The following NT5DC1 variants were observed in gnomAD, a reference collection of about 807,000 sequenced individuals.
The protein encoded by NT5DC1 is 5'-nucleotidase domain-containing protein 1.
A neutral mutation model predicts 59.4 loss-of-function variants in NT5DC1; 42 were observed. The ratio of observed to expected loss-of-function variants is 0.71; its 90% CI spans 0.55 to 0.92. NT5DC1 has a LOEUF of 0.92. Among genes scored for constraint, NT5DC1 ranks in the 40% least tolerant of loss-of-function variants. The probability of loss-of-function intolerance (pLI) is 0.00; values close to 1 mark genes in which losing one functional copy is unlikely to be tolerated. For synonymous variants in NT5DC1, 172 were observed against 188.1 expected (o/e 0.91, Z 0.70); for missense variants, 501 against 537.1 (o/e 0.93, Z 0.66).
Position 116,234,195 on chromosome 6 carries a change from C to T in NT5DC1, c.803-2771C>T, listed in dbSNP as rs189796938. On this transcript the variant is annotated intron_variant, in intron 8 of 11. Coordinates refer to ENST00000319550, the MANE Select transcript of NT5DC1 (RefSeq NM_152729.3). The stretch of plus-strand genomic sequence containing the variant: ...CAGGCTGGTCTTGAACTCCTGACCT[C>T]GTGATCCACCTGCCTCAGCCTCCCA... Among the ~76,000 whole-genome samples the T allele has an allele frequency of 1.7e-3, 259 of 151,952 alleles. 3 individuals carry two copies. The highest frequency in any genetic ancestry group is 5.5e-3 in the African/African-American group (228 of 41,446).
At chr6:116,192,829 C>T (rs956446054) in intron 6 of NT5DC1, among the ~76,000 whole-genome samples, 5 of 152,014 alleles carry the variant, frequency 3.3e-5, no homozygotes, top group African/African-American at 7.2e-5. Flanking sequence ...CTTCTTTGGC[C>T]TCCTACTATT....
At chr6:116,235,918 T>C (rs966552608) in intron 8 of NT5DC1, among the ~76,000 whole-genome samples, 6 of 146,194 alleles carry the variant, frequency 4.1e-5, no homozygotes, top group African/African-American at 1.6e-4. Context: ...AAGCTTAAGC[T>C]TTAAGACCCC....
At chr6:116,136,399 A>G (rs1257932775) in intron 6 of NT5DC1, among the ~76,000 whole-genome samples, 1 of 152,072 alleles carries the variant, frequency 6.6e-6, no homozygotes, top group South Asian at 2.1e-4. Context: ...CTTTATAATC[A>G]TGATTCTTCT....
intron 11 of NT5DC1, among the ~76,000 whole-genome samples, chr6:116,242,515 C>CATTA (rs1771758697): frequency 6.6e-6 from 1 of 150,902 alleles, no homozygotes. Context: ...AGAGTGGCTG[C>CATTA]ATTAATATGA....
chr6:116,177,448 T>C (rs1021321484), intron 6 of NT5DC1, among the ~76,000 whole-genome samples: 2 of 152,120 alleles, frequency 1.3e-5, no homozygotes, highest in Non-Finnish European at 2.9e-5. Context: ...CATTGCAAAA[T>C]GGGTAAAAGT....
chr6:116,200,098 C>A (rs1452032584), intron 6 of NT5DC1, among the ~76,000 whole-genome samples: 1 of 151,938 alleles, frequency 6.6e-6, no homozygotes, highest in Non-Finnish European at 1.5e-5. Context: ...ATAGTATATA[C>A]CCTTAATATA....
intron 6 of NT5DC1, among the ~76,000 whole-genome samples, chr6:116,175,150 C>T (rs1780705604): frequency 6.6e-6 from 1 of 152,026 alleles, no homozygotes; most frequent in South Asian, 2.1e-4. Context: ...TTGATGCATT[C>T]TGACTCATAT....
intron 8 of NT5DC1, among the ~76,000 whole-genome samples, chr6:116,226,506 C>T (rs1781912048): frequency 6.6e-6 from 1 of 151,696 alleles, no homozygotes; most frequent in African/African-American, 2.4e-5. Flanking sequence ...TGAGAGTATC[C>T]TGAGAAAAAG....
At chr6:116,152,329 A>G (rs1244616616) in intron 6 of NT5DC1, among the ~76,000 whole-genome samples, 12 of 152,214 alleles carry the variant, frequency 7.9e-5, no homozygotes, top group African/African-American at 2.7e-4. Context: ...TTATCGTACC[A>G]TTTAACTCCC....
chr6:116,153,084 T>G (rs1245100570), intron 6 of NT5DC1, among the ~76,000 whole-genome samples: 1 of 151,944 alleles, frequency 6.6e-6, no homozygotes, highest in Non-Finnish European at 1.5e-5. Flanking sequence ...TAACATTTAA[T>G]AAAATCCCTG....
intron 6 of NT5DC1, among the ~76,000 whole-genome samples, chr6:116,129,086 T>C (rs1482797998): frequency 2.0e-5 from 3 of 152,174 alleles, no homozygotes; most frequent in African/African-American, 7.2e-5. Context: ...AATTTACCTG[T>C]GAATATTTTG....
At chr6:116,110,607 GTTGA>G in intron 3 of NT5DC1, 1 of 592,254 alleles carries the variant, frequency 1.7e-6, no homozygotes, top group Admixed American at 2.5e-5. Context: ...CTTATCCAGT[GTTGA>G]CCTCAGAGTG....
At chr6:116,133,481 A>G (rs934334282) in intron 6 of NT5DC1, among the ~76,000 whole-genome samples, 2 of 152,222 alleles carry the variant, frequency 1.3e-5, no homozygotes, top group Non-Finnish European at 2.9e-5. Flanking sequence ...AAGTACTTGT[A>G]GGGTACACGA....
chr6:116,223,155 T>G lies in NT5DC1; in HGVS notation c.802+24T>G, dbSNP rs1305404506. 3 of 1,276,486 alleles carry G rather than the reference T, an allele frequency of 2.4e-6. No individual in the cohort carries two copies. In the Admixed American group the frequency reaches 5.2e-5, roughly 22 times the overall value. The allele number at this position is 1,276,486 out of a possible 1,614,324, so 79.1% of individuals were successfully genotyped here. On this transcript the variant is annotated intron_variant, in intron 8 of 11. Coordinates refer to ENST00000319550, the MANE Select transcript of NT5DC1 (RefSeq NM_152729.3). The stretch of plus-strand genomic sequence containing the variant: ...CGGTAAGTTACATTTGGTTTCTTTC[T>G]TTTCCTGTATACAGTTGGCTAACAA...
At chr6:116,129,822 C>T (rs889272538) in intron 6 of NT5DC1, among the ~76,000 whole-genome samples, 1 of 152,138 alleles carries the variant, frequency 6.6e-6, no homozygotes, top group African/African-American at 2.4e-5. Flanking sequence ...CATGCAATTT[C>T]CTGTGATCTA....
intron 6 of NT5DC1, among the ~76,000 whole-genome samples, chr6:116,189,852 C>A (rs1348807033): frequency 6.6e-6 from 1 of 151,954 alleles, no homozygotes; most frequent in Non-Finnish European, 1.5e-5. Flanking sequence ...TAAATGCTTC[C>A]GTTCAGGGGA....
At chr6:116,232,554 A>T (rs556812315) in intron 8 of NT5DC1, among the ~76,000 whole-genome samples, 110 of 152,190 alleles carry the variant, frequency 7.2e-4, no homozygotes, top group Non-Finnish European at 1.4e-3. Flanking sequence ...CATATTTTTA[A>T]ACATTAATAA....
intron 8 of NT5DC1, among the ~76,000 whole-genome samples, chr6:116,234,147 G>A (rs1305783271): frequency 6.6e-6 from 1 of 151,458 alleles, no homozygotes; most frequent in African/African-American, 2.4e-5. Context: ...TTTTTGGTAG[G>A]CACAGGGTTT....
chr6:116,149,092 A>G (rs1779969189), intron 6 of NT5DC1, among the ~76,000 whole-genome samples: 1 of 152,152 alleles, frequency 6.6e-6, no homozygotes, highest in Non-Finnish European at 1.5e-5. Context: ...TGCATAATTC[A>G]TGGATAAATT....
Sources: allele counts gnomAD v4.1 joint callset (sites outside exome capture counted in the v4.1 genomes callset), GRCh38; gene constraint gnomAD v4.1.1; transcripts MANE v1.5; gene names NCBI Gene and HGNC (gene_info 2026-07-23, HGNC 2026-07-21).